Variants in DNAH3 observed in about 807,000 individuals in gnomAD.
The protein encoded by DNAH3 is dynein axonemal heavy chain 3.
A neutral mutation model predicts 432.5 loss-of-function variants in DNAH3; 332 were observed. The ratio of observed to expected loss-of-function variants is 0.77; its 90% CI spans 0.70 to 0.84. DNAH3 has a LOEUF of 0.84. Ranked by LOEUF, DNAH3 falls within the 40% of genes least tolerant of loss-of-function variation. The probability of loss-of-function intolerance (pLI) is 0.00; values close to 1 mark genes in which losing one functional copy is unlikely to be tolerated. For missense variants in DNAH3, 4,861 were observed against 5,114.0 expected (o/e 0.95, Z 1.51); for synonymous variants, 1,956 against 1,900.2 (o/e 1.03, Z -0.76).
At chr16:20,950,270 C>T (rs576533405) in intron 56 of DNAH3, among the ~76,000 whole-genome samples, 1 of 152,216 alleles carries the variant, frequency 6.6e-6, no homozygotes, top group Non-Finnish European at 1.5e-5. Context: ...ATGTGACCTT[C>T]TGGCACTGAA....
intron 56 of DNAH3, among the ~76,000 whole-genome samples, chr16:20,950,317 A>C (rs955202933): frequency 2.1e-4 from 32 of 152,176 alleles, no homozygotes; most frequent in African/African-American, 7.2e-4. Context: ...CAACCTTGGC[A>C]CTCTTAACAT....
rs71149199 is a variant in DNAH3 at position 20,946,819 on chromosome 16, C to CTTTTTT, written c.11343+1658_11343+1663dup. ...TCCCCTGCCTTTCTGATTGTGAGTC[C>CTTTTTT]TTTTTTTTTTTTTTTTTTTTTTTTT... is the stretch of plus-strand genomic sequence containing the variant. On this transcript the variant is annotated intron_variant, in intron 57 of 61. Coordinates refer to ENST00000261383, the Ensembl canonical transcript of DNAH3. Among the ~76,000 whole-genome samples, 12 of 70,896 alleles carry CTTTTTT rather than the reference C, an allele frequency of 1.7e-4. 1 individual carries two copies. Among genetic ancestry groups the CTTTTTT allele is most frequent in the African/African-American group, 2.3e-4 (4 of 17,240 alleles). 46.5% of individuals were successfully genotyped at this position (70,896 alleles called of 152,430 possible). A position where few individuals can be genotyped will look rare whatever the true frequency, so the allele number is the denominator to read the frequency against.
intron 31 of DNAH3, among the ~76,000 whole-genome samples, chr16:21,044,834 T>C (rs1171257193): frequency 2.6e-5 from 3 of 113,316 alleles, no homozygotes; most frequent in African/African-American, 1.1e-4. Context: ...TCTTATTATT[T>C]TGAAATACGT....
chr16:21,104,578 C>G lies in DNAH3; in HGVS notation c.2285-26G>C, dbSNP rs2091906326. Reference sequence around the variant, plus strand: ...CTGGCCAGAGGAACAGAGTGCTGTTCAATTTGATGTCCTCATCTGCAAAAC... The same window carrying G: ...CTGGCCAGAGGAACAGAGTGCTGTTGAATTTGATGTCCTCATCTGCAAAAC... On this transcript the variant is annotated intron_variant, in intron 15 of 61. Coordinates refer to ENST00000261383, the Ensembl canonical transcript of DNAH3. 1.9e-6 allele frequency: 3 copies of G among 1,597,032 alleles called. No individual in the cohort carries two copies. The East Asian group carries it at 6.7e-5, about 36-fold the overall frequency.
chr16:21,036,775 T>G (rs772296671), exon 35 of DNAH3: 1 of 1,613,566 alleles, frequency 6.2e-7, no homozygotes, highest in Admixed American at 1.7e-5. Context: ...GATGTTATCA[T>G]TCAGCACTTT....
At chr16:20,959,209 A>G (rs919437527) in exon 54 of DNAH3, 1 of 1,614,130 alleles carries the variant, frequency 6.2e-7, no homozygotes, top group Non-Finnish European at 8.5e-7. Context: ...CTCAGGAACA[A>G]TCACCTCCTC....
intron 16 of DNAH3, among the ~76,000 whole-genome samples, chr16:21,103,292 T>A (rs1597381435): frequency 8.8e-6 from 1 of 113,808 alleles, no homozygotes; most frequent in Admixed American, 1.2e-4. Flanking sequence ...TACCACCTGT[T>A]CCCCCAAAAA....
At chr16:21,033,236 A>G (rs2088981198) in intron 36 of DNAH3, among the ~76,000 whole-genome samples, 1 of 152,246 alleles carries the variant, frequency 6.6e-6, no homozygotes, top group Non-Finnish European at 1.5e-5. Context: ...TATTAGAAAA[A>G]AAATTTTAAA....
exon 12 of DNAH3, chr16:21,117,243 T>G: frequency 1.9e-6 from 3 of 1,610,590 alleles, no homozygotes; most frequent in Non-Finnish European, 1.7e-6. Flanking sequence ...ACCTTGAAAG[T>G]TTGAATCAAA....
chr16:21,110,151 A>G (rs925921935), intron 14 of DNAH3, among the ~76,000 whole-genome samples: 3 of 152,232 alleles, frequency 2.0e-5, no homozygotes, highest in Non-Finnish European at 4.4e-5. Context: ...ATAGAGACAC[A>G]GTAGAAGGCA....
At chr16:21,012,198 G>GAAAGACC in intron 41 of DNAH3, among the ~76,000 whole-genome samples, 1 of 152,096 alleles carries the variant, frequency 6.6e-6, no homozygotes, top group East Asian at 1.9e-4. Flanking sequence ...AGCGCACCTC[G>GAAAGACC]AAAGACCAAA....
intron 55 of DNAH3, among the ~76,000 whole-genome samples, chr16:20,953,598 A>G (rs183307330): frequency 4.0e-5 from 6 of 151,256 alleles, no homozygotes; most frequent in Admixed American, 2.6e-4. Flanking sequence ...TTTTTGAGAG[A>G]CTGGATCTCG....
At chr16:21,139,020 C>T (rs956217286) in intron 5 of DNAH3, among the ~76,000 whole-genome samples, 1 of 152,170 alleles carries the variant, frequency 6.6e-6, no homozygotes, top group African/African-American at 2.4e-5. Flanking sequence ...GCCAACAGCA[C>T]ATAGTCACTG....
At chr16:20,977,307 G>T (rs1221057144) in intron 50 of DNAH3, among the ~76,000 whole-genome samples, 1 of 152,166 alleles carries the variant, frequency 6.6e-6, no homozygotes, top group African/African-American at 2.4e-5. Flanking sequence ...AATGCGGGAG[G>T]TGGAGGTTGC....
At chr16:20,943,183 C>T (rs910863265) in intron 58 of DNAH3, among the ~76,000 whole-genome samples, 27 of 152,004 alleles carry the variant, frequency 1.8e-4, no homozygotes, top group East Asian at 1.9e-4. Context: ...CAGAATCAAG[C>T]GATCCTCCCA....
chr16:21,128,386 AAAAAC>A (rs141397436), intron 7 of DNAH3, among the ~76,000 whole-genome samples: 5 of 150,354 alleles, frequency 3.3e-5, no homozygotes, highest in Admixed American at 2.0e-4. Flanking sequence ...TCATCTCTCC[AAAAAC>A]AAAACAAAAC....
At chr16:21,088,203 TA>T (rs1048619100) in intron 18 of DNAH3, among the ~76,000 whole-genome samples, 10 of 152,030 alleles carry the variant, frequency 6.6e-5, no homozygotes, top group African/African-American at 2.2e-4. Flanking sequence ...AAATTTAAAT[TA>T]AAAAAAAGTA....
intron 20 of DNAH3, among the ~76,000 whole-genome samples, chr16:21,075,767 G>T (rs548523217): frequency 1.1e-4 from 17 of 151,964 alleles, no homozygotes; most frequent in Admixed American, 9.2e-4. Context: ...ACAAAAATTA[G>T]CCAGGTGTGG....
At chr16:20,993,431 C>A (rs1483537956) in intron 44 of DNAH3, among the ~76,000 whole-genome samples, 1 of 152,072 alleles carries the variant, frequency 6.6e-6, no homozygotes, top group East Asian at 1.9e-4. Flanking sequence ...CTAGGAGATT[C>A]CTGAGAAATG....
Sources: gnomAD v4.1 joint callset for allele counts (sites outside exome capture counted in the v4.1 genomes callset) on GRCh38, gnomAD v4.1.1 for gene constraint, MANE v1.5 for transcripts, NCBI Gene and HGNC (gene_info 2026-07-23, HGNC 2026-07-21) for gene names.